The following TRAPPC11 variants were observed in gnomAD, a reference collection of about 807,000 sequenced individuals.
TRAPPC11 encodes trafficking protein particle complex subunit 11, also known as foie gras homolog.
TRAPPC11 carries 104 observed loss-of-function variants against 151.2 expected under a neutral mutation model. The ratio of observed to expected loss-of-function variants is 0.69; its 90% confidence interval spans 0.59 to 0.81. The LOEUF is 0.81. Among genes scored for constraint, TRAPPC11 ranks in the 30% least tolerant of loss-of-function variants. The probability of loss-of-function intolerance (pLI) is 0.00; values close to 1 mark genes in which losing one functional copy is unlikely to be tolerated. For missense variants in TRAPPC11, 1,230 were observed against 1,349.6 expected, an observed-to-expected ratio of 0.91 and a Z score of 1.39; for synonymous variants, 456 against 472.3, an observed-to-expected ratio of 0.97 and a Z score of 0.45.
chr4:183,661,856 G>C (rs969315804), intron 1 of TRAPPC11, among the ~76,000 whole-genome samples: 1 of 140,886 alleles, frequency 7.1e-6, no homozygotes, highest in Non-Finnish European at 1.5e-5. Context: ...TAAACACCTA[G>C]ACTCAAGTGA....
rs57598445 is a variant in TRAPPC11 at position 183,665,389 on chromosome 4, A to G, written c.205-868A>G. Among the ~76,000 whole-genome samples the G allele has an allele frequency of 7.2e-4, 109 of 152,256 alleles. 1 individual carries two copies. Among genetic ancestry groups the G allele is most frequent in the African/African-American group, 2.6e-3 (106 of 41,548 alleles). On this transcript the variant is annotated intron_variant, in intron 2 of 29. Transcript: ENST00000334690. The stretch of plus-strand genomic sequence containing the variant: ...GATTACAGGCGTGAGCCACCGTGCC[A>G]GGCCTACATGATTATTTTTCTTTAG...
chr4:183,695,270 G>A (rs1005806960), intron 23 of TRAPPC11, among the ~76,000 whole-genome samples: 1 of 152,020 alleles, frequency 6.6e-6, no homozygotes, highest in Non-Finnish European at 1.5e-5. Context: ...TTCGTATAGA[G>A]GATCAATAGG....
At chr4:183,702,681 T>TG (rs1316315978) in intron 26 of TRAPPC11, among the ~76,000 whole-genome samples, 4 of 152,160 alleles carry the variant, frequency 2.6e-5, no homozygotes, top group African/African-American at 9.7e-5. Context: ...ACCTTTGGGA[T>TG]GGGGGGATAC....
chr4:183,670,792 T>C (rs1460672000), intron 5 of TRAPPC11, among the ~76,000 whole-genome samples: 1 of 151,950 alleles, frequency 6.6e-6, no homozygotes, highest in Non-Finnish European at 1.5e-5. Flanking sequence ...TTTTGGTTTT[T>C]GGTTTTTTTT....
chr4:183,685,046 A>G (rs1735895982), intron 15 of TRAPPC11, 38 bp from the exon 16 acceptor site: 2 of 1,583,348 alleles, frequency 1.3e-6, no homozygotes, highest in Non-Finnish European at 1.7e-6. Context: ...ACTTAATTAT[A>G]AGTACTTAAA....
rs139034513 is a variant in TRAPPC11 at position 183,693,055 on chromosome 4, A to C, written c.2145A>C (p.Glu715Asp). 6.1e-5 allele frequency: 98 copies of C among 1,613,962 alleles called. No individual in the cohort carries two copies. In the African/African-American group the frequency reaches 1.2e-3, roughly 20 times the overall value. Residue 715 changes from glutamate (E) to aspartate (D), a missense_variant, in exon 20 of 30, where the codon GAA (glutamate) becomes GAC (aspartate). Coordinates refer to ENST00000334690, the MANE Select transcript of TRAPPC11 (RefSeq NM_021942.6). ...GAGGAGATGCTGCTTCCTCCCAAGA[A>C]GCCTTACAGGCAGCTCGGTCTTTCA... ...GGGGDAASSQEALQAARSFKR... is the reference protein window; with the variant it reads ...GGGGDAASSQDALQAARSFKR...
rs544812568 is a variant in TRAPPC11, at chr4:183,690,069, G to A, written c.1894-1247G>A. 5.3e-5 allele frequency among the ~76,000 whole-genome samples: 8 copies of A among 152,246 alleles called. No individual in the cohort carries two copies. In the South Asian group the frequency reaches 8.3e-4, roughly 16 times the overall value. ...AACCCAAAAATTAGCTGAGCGTGGTGGCGGGTGCCTGTAGTCTCAGCTACT... is the reference window on the plus strand; with the variant it reads ...AACCCAAAAATTAGCTGAGCGTGGTAGCGGGTGCCTGTAGTCTCAGCTACT... On this transcript the variant is annotated intron_variant, in intron 18 of 29. Coordinates refer to ENST00000334690, the MANE Select transcript of TRAPPC11 (RefSeq NM_021942.6).
chr4:183,679,245 A>C (rs889898147), intron 8 of TRAPPC11, 108 bp from the exon 9 acceptor site: 2 of 1,158,256 alleles, frequency 1.7e-6, no homozygotes, highest in Admixed American at 3.5e-5. Flanking sequence ...TCAGAGAAGG[A>C]AATTTCATTG....
At position 183,666,353 on chromosome 4, in the gene TRAPPC11, T is replaced by C. The variant is rs557884886; in HGVS notation, c.301T>C (p.Tyr101His). Residue 101 changes from tyrosine to histidine, a missense_variant, in exon 3 of 30, where the codon TAT becomes CAT. Transcript: ENST00000334690. ...GGTGCCAGCCCTGGTGGTTGTGTTC[T>C]ATGAACTGGACTGGGATGAGCCTCA... is the stretch of plus-strand genomic sequence containing the variant. The part of the protein sequence containing the change: ...NLVPALVVVF[Y>H]ELDWDEPQWK... 4 of 1,614,174 alleles carry C rather than the reference T, an allele frequency of 2.5e-6. No individual in the cohort carries two copies. In the East Asian group the frequency reaches 8.9e-5, roughly 36 times the overall value.
intron 25 of TRAPPC11, chr4:183,700,849 A>C (rs2111085878): frequency 6.6e-6 from 1 of 152,076 alleles, no homozygotes; most frequent in East Asian, 1.9e-4. Context: ...TTTAAAAAAA[A>C]ATTTATTTTC....
At chr4:183,693,800 GT>G (rs1736386762) in intron 21 of TRAPPC11, 63 bp downstream of exon 21, 1 of 1,599,396 alleles carries the variant, frequency 6.3e-7, no homozygotes, top group Non-Finnish European at 8.5e-7. Flanking sequence ...CATCAGTGAT[GT>G]CAACTCTAGG....
Position 183,708,406 on chromosome 4 carries a change from G to T in TRAPPC11, c.3190-1G>T. On this transcript the variant is annotated splice_acceptor_variant, in intron 28 of 29. Transcript: ENST00000334690. LOFTEE classifies it high-confidence loss of function. ...TTTCTCTGTGACTTTTTATGATGCA[G>T]ATTCGATTACGTATCCTCCCTGGCA... The T allele has an allele frequency of 6.2e-7, 1 of 1,611,532 alleles. No homozygotes were observed. The highest frequency in any genetic ancestry group is 1.1e-5 in the South Asian group (1 of 90,816).
chr4:183,712,824 T>C lies in TRAPPC11; in HGVS notation c.*180T>C, dbSNP rs746807763. On this transcript the variant is annotated 3_prime_UTR_variant, in exon 30 of 30. Transcript: ENST00000334690. Reference sequence around the variant, plus strand: ...AAAAATATTAGGAAAATCTGTCTTATAGTTTCTCTAATAAATATCTGAAAT... The same window carrying C: ...AAAAATATTAGGAAAATCTGTCTTACAGTTTCTCTAATAAATATCTGAAAT... The C allele has an allele frequency of 3.9e-6, 2 of 512,476 alleles. No individual in the cohort carries two copies. The highest frequency in any genetic ancestry group is 3.1e-5 in the East Asian group (1 of 32,680). The allele number at this position is 512,476 out of a possible 1,614,324, so 31.7% of individuals were successfully genotyped here.
chr4:183,711,430 A>G (rs1201425830), intron 29 of TRAPPC11, among the ~76,000 whole-genome samples: 1 of 152,198 alleles, frequency 6.6e-6, no homozygotes, highest in Admixed American at 6.5e-5. Flanking sequence ...TTCTAATTGT[A>G]TGATGCACTC....
At position 183,681,562 on chromosome 4, in the gene TRAPPC11, C is replaced by T. The variant is rs111528861; in HGVS notation, c.1114-1170C>T. Among the ~76,000 whole-genome samples the T allele has an allele frequency of 5.7e-4, 87 of 152,220 alleles. 2 individuals are homozygous for T. Among genetic ancestry groups the T allele is most frequent in the African/African-American group, 1.9e-3 (81 of 41,542 alleles). ...TTGGGAGGCTGAGGTGGGCAGATCA[C>T]AAGGTCAGGAGATCGAGACCATCCT... On this transcript the variant is annotated intron_variant, in intron 10 of 29. Coordinates refer to ENST00000334690, the MANE Select transcript of TRAPPC11 (RefSeq NM_021942.6).
intron 9 of TRAPPC11, among the ~76,000 whole-genome samples, chr4:183,679,869 A>G (rs905247553): frequency 1.3e-5 from 2 of 152,198 alleles, no homozygotes; most frequent in African/African-American, 4.8e-5. Context: ...GGTAGGAACT[A>G]TGTTGAGATC....
intron 22 of TRAPPC11, 84 bp downstream of exon 22, chr4:183,694,122 G>C (rs1412250908): frequency 2.1e-6 from 3 of 1,429,266 alleles, no homozygotes; most frequent in Non-Finnish European, 2.9e-6. Flanking sequence ...AGTTCAGAGC[G>C]TTTTAACGCA....
rs1177966051 is a variant in TRAPPC11, at chr4:183,697,564, C to T, written c.2690C>T (p.Thr897Ile). The change falls in exon 24 of 30, where the codon ACC becomes ATC. Residue 897 changes from threonine (T) to isoleucine (I), a missense_variant. By Grantham distance (89) the Thr-to-Ile change is moderately conservative (BLOSUM62 -1). Coordinates refer to ENST00000334690, the MANE Select transcript of TRAPPC11 (RefSeq NM_021942.6). ...GATGTTGCGGTTAAATTTGTTTCTACCAAGGTATGTTTCTTTGAGGCATAC... is the reference window on the plus strand; with the variant it reads ...GATGTTGCGGTTAAATTTGTTTCTATCAAGGTATGTTTCTTTGAGGCATAC... ...PFDVAVKFVSTKFEHLERVYA... is the reference protein window; with the variant it reads ...PFDVAVKFVSIKFEHLERVYA... The T allele has an allele frequency of 6.2e-7, 1 of 1,604,030 alleles. No individual in the cohort carries two copies. The highest frequency in any genetic ancestry group is 1.8e-5 in the Admixed American group (1 of 56,132).
intron 28 of TRAPPC11, among the ~76,000 whole-genome samples, chr4:183,707,537 T>C (rs1489142301): frequency 6.6e-6 from 1 of 152,144 alleles, no homozygotes; most frequent in African/African-American, 2.4e-5. Context: ...TCCTCCACTG[T>C]CAGAGGGATA....
Sources: allele counts gnomAD v4.1 joint callset (sites outside exome capture counted in the v4.1 genomes callset), GRCh38; gene constraint gnomAD v4.1.1; transcripts MANE v1.5; gene names NCBI Gene and HGNC (gene_info 2026-07-23, HGNC 2026-07-21).